The following PCNX3 variants were observed in gnomAD, a reference collection of about 807,000 sequenced individuals.
The protein encoded by PCNX3 is pecanex-like protein 3.
PCNX3 carries 58 observed loss-of-function variants against 207.2 expected under a neutral mutation model. That is an observed-to-expected ratio of 0.28 (90% confidence interval 0.23 to 0.35). The LOEUF (loss-of-function observed/expected upper bound fraction) is 0.35, where lower values mean the gene tolerates loss of function less well. Ranked by LOEUF, PCNX3 falls within the 10% of genes least tolerant of loss-of-function variation. PCNX3 has a pLI of 1.00. For missense variants in PCNX3, 2,410 were observed against 2,774.4 expected (o/e 0.87, Z 2.95); for synonymous variants, 1,337 against 1,183.5 (o/e 1.13, Z -2.66).
chr11:65,625,376 GCCT>G lies in PCNX3; in HGVS notation c.3030-22_3030-20del. On this transcript the variant is annotated intron_variant, in intron 17 of 34. Transcript: ENST00000355703. The surrounding 1 kb of genome is among the most constrained non-coding windows in gnomAD (Gnocchi z 5.6). ...CTGGGGCCGGGGGGAAGGAGGGGCG[GCCT>G]CCTCCTGACTCTTCCTCACCCCCAG... 6.3e-7 allele frequency: 1 copy of G among 1,593,542 alleles called. No homozygotes were observed. Among genetic ancestry groups the G allele is most frequent in the South Asian group, 1.1e-5 (1 of 90,780 alleles).
rs772853163 is a variant in PCNX3 at position 65,628,556 on chromosome 11, C to G, written c.3703-39C>G. 6 of 1,589,558 alleles carry G rather than the reference C, an allele frequency of 3.8e-6. No individual in the cohort carries two copies. The African/African-American group carries it at 5.4e-5, about 14-fold the overall frequency. ...GCATCCGGGGGCTTCCATGAGTGAC[C>G]CTGCATGTCTTTTTTCTTCTCCCTG... is the stretch of plus-strand genomic sequence containing the variant. On this transcript the variant is annotated intron_variant, in intron 22 of 34. Coordinates refer to ENST00000355703, the MANE Select transcript of PCNX3 (RefSeq NM_032223.4).
At position 65,625,341 on chromosome 11, in the gene PCNX3, G is replaced by A; in HGVS notation, c.3029+61G>A. ...CAGTAGGGGTTTGTGGTCTGTGCAT[G>A]TGCCCGTGACTGGGGCCGGGGGGAA... On this transcript the variant is annotated intron_variant, in intron 17 of 34. Coordinates refer to ENST00000355703, the MANE Select transcript of PCNX3 (RefSeq NM_032223.4). The surrounding 1 kb of genome is among the most constrained non-coding windows in gnomAD (Gnocchi z 5.6). 1 of 1,592,320 alleles carries A rather than the reference G, an allele frequency of 6.3e-7. No homozygotes were observed. Among genetic ancestry groups the A allele is most frequent in the Non-Finnish European group, 8.6e-7 (1 of 1,169,540 alleles).
chr11:65,617,577 G>T, intron 4 of PCNX3, 34 bp from the exon 5 acceptor site: 1 of 1,613,620 alleles, frequency 6.2e-7, no homozygotes, highest in Non-Finnish European at 8.5e-7. Flanking sequence ...TGTGCCAGGG[G>T]GTCCTGCTGA....
Position 65,619,948 on chromosome 11 carries a change from G to A in PCNX3, c.2008+16G>A, listed in dbSNP as rs888327177. ...GATGAGAGCGGTGAGCCTTTCCCAA[G>A]CCCGGTGGCCCAGTGCCTCCCCGCC... On this transcript the variant is annotated intron_variant, in intron 8 of 34. Coordinates refer to ENST00000355703, the MANE Select transcript of PCNX3 (RefSeq NM_032223.4). The A allele has an allele frequency of 9.5e-6, 15 of 1,586,252 alleles. No individual in the cohort carries two copies. The highest frequency in any genetic ancestry group is 1.2e-5 in the Non-Finnish European group (14 of 1,162,616).
intron 21 of PCNX3, 52 bp downstream of exon 21, chr11:65,627,100 C>T (rs745650591): frequency 1.2e-5 from 17 of 1,456,470 alleles, no homozygotes; most frequent in Non-Finnish European, 1.5e-5. Flanking sequence ...CCCTTTTGAT[C>T]CGTGGGGAAA....
intron 11 of PCNX3, among the ~76,000 whole-genome samples, chr11:65,622,762 A>G (rs1370879851): frequency 6.6e-6 from 1 of 151,310 alleles, no homozygotes; most frequent in Non-Finnish European, 1.5e-5. Flanking sequence ...CACCTGGCTA[A>G]TTTTTGTATT....
At chr11:65,626,698 T>C (rs1855407735) in intron 20 of PCNX3, 1 of 648,732 alleles carries the variant, frequency 1.5e-6, no homozygotes, top group Admixed American at 3.0e-5. Flanking sequence ...GCACCTGCCA[T>C]AAAGCAAGCC....
At position 65,619,893 on chromosome 11, in the gene PCNX3, A is replaced by G. The variant is rs749763492; in HGVS notation, c.1969A>G (p.Thr657Ala). Residue 657 changes from threonine to alanine, a missense_variant, in exon 8 of 35, where the codon ACT becomes GCT. Physicochemically the swap from Thr to Ala is moderately conservative, Grantham distance 58 (BLOSUM62 0). Around this residue, in one of 8 missense-constraint regions of PCNX3, gnomAD observed 1,104 missense variants for 970.3 expected, o/e 1.14. Transcript: ENST00000355703. Reference protein sequence around the residue: ...NVHEACTFDDTSEGAVHYFYD... With the variant: ...NVHEACTFDDASEGAVHYFYD... ...GCATGAGGCCTGCACCTTTGATGACACTTCTGAGGGTGCTGTGCACTATTT... is the reference window on the plus strand; with the variant it reads ...GCATGAGGCCTGCACCTTTGATGACGCTTCTGAGGGTGCTGTGCACTATTT... The G allele has an allele frequency of 6.2e-7, 1 of 1,611,714 alleles. No homozygotes were observed. The highest frequency in any genetic ancestry group is 1.1e-5 in the South Asian group (1 of 91,002).
chr11:65,619,200 T>C, intron 6 of PCNX3, 133 bp downstream of exon 6: 1 of 827,226 alleles, frequency 1.2e-6, no homozygotes, highest in South Asian at 1.8e-5. Flanking sequence ...GACGTGGGCC[T>C]GGTGGTGATT....
Position 65,630,415 on chromosome 11 carries a change from T to C in PCNX3, c.4281T>C (p.Cys1427=). 6 of 1,613,552 alleles carry C rather than the reference T, an allele frequency of 3.7e-6. No individual in the cohort carries two copies. Among genetic ancestry groups the C allele is most frequent in the Non-Finnish European group, 5.1e-6 (6 of 1,179,892 alleles). Residue 1427 remains cysteine (C), a synonymous_variant, in exon 27 of 35, where the codon TGT becomes TGC. Transcript: ENST00000355703. ...AGGGTGTGGAGGAGGACGAGGGCTG[T>C]TGCTGCTGTGAACCTGGCCACCTGC... ...ITEGVEEDEG[C]CCCEPGHLPR...
In PCNX3 at chr11:65,625,569, G is replaced by C; in HGVS notation, c.3135+59G>C. 1 of 1,576,936 alleles carries C rather than the reference G, an allele frequency of 6.3e-7. No homozygotes were observed. Among genetic ancestry groups the C allele is most frequent in the Non-Finnish European group, 8.6e-7 (1 of 1,160,866 alleles). On this transcript the variant is annotated intron_variant, in intron 18 of 34. Coordinates refer to ENST00000355703, the MANE Select transcript of PCNX3 (RefSeq NM_032223.4). This position sits in a 1 kb window ranked among gnomAD's most constrained non-coding sequence, Gnocchi z 5.6. ...GTGGTGACAGGTCCTGGGGTTCCTG[G>C]GAGGGGCATGTCCAGCTTGGGCTGC...
At position 65,626,875 on chromosome 11, in the gene PCNX3, A is replaced by C. The variant is rs982526424; in HGVS notation, c.3380-29A>C. ...CAGGGAAGGCAGGCATGTGGAAGCC[A>C]GGTGCAGAGTCCTGGCCTCTCCACA... On this transcript the variant is annotated intron_variant, in intron 20 of 34. Transcript: ENST00000355703. 7.2e-5 allele frequency: 113 copies of C among 1,570,574 alleles called. 1 individual carries two copies. Among genetic ancestry groups the C allele is most frequent in the East Asian group, 4.7e-4 (20 of 42,506 alleles).
intron 1 of PCNX3, 147 bp downstream of exon 1, chr11:65,616,611 C>T (rs942951950): frequency 8.1e-6 from 9 of 1,116,170 alleles, no homozygotes; most frequent in Non-Finnish European, 6.2e-6. Flanking sequence ...CCAAAGTCTT[C>T]CTTTCTTGGA....
At position 65,619,906 on chromosome 11, in the gene PCNX3, C is replaced by A; in HGVS notation, c.1982C>A (p.Ala661Asp). The change falls in exon 8 of 35, where the codon GCT becomes GAT. Residue 661 changes from alanine to aspartate, a missense_variant. Coordinates refer to ENST00000355703, the MANE Select transcript of PCNX3 (RefSeq NM_032223.4). ...ACTFDDTSEG[A>D]VHYFYDESGV... ...ACCTTTGATGACACTTCTGAGGGTG[C>A]TGTGCACTATTTCTACGATGAGAGC... is the stretch of plus-strand genomic sequence containing the variant. 1 of 1,610,644 alleles carries A rather than the reference C, an allele frequency of 6.2e-7. No individual in the cohort carries two copies. The highest frequency in any genetic ancestry group is 8.5e-7 in the Non-Finnish European group (1 of 1,178,598).
chr11:65,619,394 G>T, intron 6 of PCNX3, 143 bp from the exon 7 acceptor site: 2 of 1,430,622 alleles, frequency 1.4e-6, no homozygotes, highest in Non-Finnish European at 9.2e-7. Context: ...TGAGCATGGG[G>T]CTGTGTGACC....
Position 65,635,120 on chromosome 11 carries a change from G to A in PCNX3, c.4953G>A (p.Gln1651=), listed in dbSNP as rs1312816825. 6.2e-7 allele frequency: 1 copy of A among 1,612,760 alleles called. No homozygotes were observed. Among genetic ancestry groups the A allele is most frequent in the Admixed American group, 1.7e-5 (1 of 59,892 alleles). ...TTCGCATGGCCCTCAAGCTTCACCAGGTTGGGGAGGGGTGTGCCCAGCAGC... is the reference window on the plus strand; with the variant it reads ...TTCGCATGGCCCTCAAGCTTCACCAAGTTGGGGAGGGGTGTGCCCAGCAGC... ...PGVRMALKLH[Q]DHFTSPDEYE... The change falls in exon 30 of 35, where the codon CAG becomes CAA. Residue 1651 remains glutamine, a splice_region_variant and synonymous_variant. Transcript: ENST00000355703. This position sits in a 1 kb window ranked among gnomAD's most constrained non-coding sequence, Gnocchi z 9.9.
In PCNX3 at chr11:65,634,667, C is replaced by T. The variant is rs1201850857; in HGVS notation, c.4805+26C>T. On this transcript the variant is annotated intron_variant, in intron 29 of 34. Coordinates refer to ENST00000355703, the MANE Select transcript of PCNX3 (RefSeq NM_032223.4). ...GTGAGTGCTCGGGTGTCCCGCGGGGCCTACTGCCGTCCCCACCCCACCTCT... is the reference window on the plus strand; with the variant it reads ...GTGAGTGCTCGGGTGTCCCGCGGGGTCTACTGCCGTCCCCACCCCACCTCT... 2.0e-6 allele frequency: 3 copies of T among 1,533,570 alleles called. No individual in the cohort carries two copies. In the East Asian group the frequency reaches 7.3e-5, roughly 37 times the overall value. 95.0% of individuals were successfully genotyped at this position (1,533,570 alleles called of 1,614,324 possible).
In PCNX3 at chr11:65,620,891, C is replaced by T. The variant is rs957264615; in HGVS notation, c.2160C>T (p.Gly720=). Residue 720 remains glycine (G), a synonymous_variant, in exon 10 of 35, where the codon GGC becomes GGT. Coordinates refer to ENST00000355703, the MANE Select transcript of PCNX3 (RefSeq NM_032223.4). ...CTGATGTCCCTGAGGCTACAGGCGG[C>T]CTGAACCTGCTGCAGCCGAGGCCTG... ...HSADVPEATG[G]LNLLQPRPVV... is the part of the protein sequence containing the mutation. 5.1e-6 allele frequency: 8 copies of T among 1,574,978 alleles called. No homozygotes were observed. In the Admixed American group the frequency reaches 9.1e-5, roughly 18 times the overall value.
intron 13 of PCNX3, 99 bp from the exon 14 acceptor site, chr11:65,624,096 G>C (rs1855254079): frequency 1.3e-6 from 2 of 1,569,070 alleles, no homozygotes; most frequent in Non-Finnish European, 1.7e-6. Flanking sequence ...AGGCTCTCCA[G>C]CTTGGACCCA....
Sources: allele counts gnomAD v4.1 joint callset (sites outside exome capture counted in the v4.1 genomes callset), GRCh38; gene constraint gnomAD v4.1.1; regional missense constraint gnomAD v4.1.1; non-coding constraint Gnocchi (gnomAD v3.1); transcripts MANE v1.5; gene names NCBI Gene and HGNC (gene_info 2026-07-23, HGNC 2026-07-21).